The following TMEM131L variants were observed in gnomAD, a reference collection of about 807,000 sequenced individuals.
The protein encoded by TMEM131L is transmembrane 131 like, also known as transmembrane protein 131-like.
In TMEM131L, 54 loss-of-function variants were observed where a neutral mutation model predicts 192.2. That is an observed-to-expected ratio of 0.28 (90% CI 0.23 to 0.35). TMEM131L has a LOEUF of 0.35. Ranked by LOEUF, TMEM131L falls within the 10% of genes least tolerant of loss-of-function variation. The pLI, the probability that TMEM131L is intolerant of heterozygous loss-of-function variation, is 1.00. For missense variants in TMEM131L, 1,888 were observed against 1,972.9 expected, an observed-to-expected ratio of 0.96 and a Z score of 0.82; for synonymous variants, 701 against 704.9, an observed-to-expected ratio of 0.99 and a Z score of 0.09.
chr4:153,577,995 A>G (rs1426759320), intron 7 of TMEM131L, among the ~76,000 whole-genome samples: 1 of 152,198 alleles, frequency 6.6e-6, no homozygotes, highest in Non-Finnish European at 1.5e-5. Context: ...AAGAGGGCAT[A>G]GGCAGCATCC....
chr4:153,468,750 A>T (rs1302713877), intron 2 of TMEM131L, among the ~76,000 whole-genome samples: 1 of 122,330 alleles, frequency 8.2e-6, no homozygotes, highest in African/African-American at 3.2e-5. Context: ...CCTCTCCCCC[A>T]CCCCCTCCTG....
At chr4:153,491,185 C>CT (rs1732755757) in intron 3 of TMEM131L, among the ~76,000 whole-genome samples, 1 of 152,080 alleles carries the variant, frequency 6.6e-6, no homozygotes, top group African/African-American at 2.4e-5. Flanking sequence ...TTTATTTCCA[C>CT]TTTTGAATTG....
chr4:153,563,262 G>A (rs983490901), intron 7 of TMEM131L, among the ~76,000 whole-genome samples: 2 of 152,162 alleles, frequency 1.3e-5, no homozygotes, highest in African/African-American at 2.4e-5. Context: ...TGTAAAATGG[G>A]AGATGTGCTT....
rs2126965479 is a variant in TMEM131L, at chr4:153,636,474, C to T, written c.4731C>T (p.Asn1577=). The change falls in exon 35 of 35, where the codon AAC becomes AAT. Residue 1577 remains asparagine, a synonymous_variant. Coordinates refer to ENST00000409959, the MANE Select transcript of TMEM131L (RefSeq NM_001131007.2). Reference sequence around the variant, plus strand: ...GCAAGGAATACTACCCGGGGTTCAACCCGTTTCGCGCCTATATGAACCTGG... The same window carrying T: ...GCAAGGAATACTACCCGGGGTTCAATCCGTTTCGCGCCTATATGAACCTGG... ...VVCKEYYPGF[N]PFRAYMNLDI... 1 of 1,614,170 alleles carries T rather than the reference C, an allele frequency of 6.2e-7. No individual in the cohort carries two copies. The highest frequency in any genetic ancestry group is 8.5e-7 in the Non-Finnish European group (1 of 1,180,044).
chr4:153,528,044 T>C (rs1735623540), intron 3 of TMEM131L, among the ~76,000 whole-genome samples: 1 of 152,208 alleles, frequency 6.6e-6, no homozygotes, highest in South Asian at 2.1e-4. Context: ...TGAATTTCCT[T>C]GTCCTGCGGA....
At chr4:153,524,310 G>A (rs1258558532) in intron 3 of TMEM131L, among the ~76,000 whole-genome samples, 3 of 152,182 alleles carry the variant, frequency 2.0e-5, no homozygotes, top group African/African-American at 2.4e-5. Context: ...AGGGGCAGCA[G>A]CTAAGTTGTG....
chr4:153,626,144 C>T lies in TMEM131L; in HGVS notation c.4046-3C>T. The T allele has an allele frequency of 6.3e-7, 1 of 1,597,844 alleles. No homozygotes were observed. The highest frequency in any genetic ancestry group is 8.6e-7 in the Non-Finnish European group (1 of 1,166,078). ...TTGTGATAATGTGTTTCTTTTAATG[C>T]AGGAGACAGTGTTTCACAAAATGAT... On this transcript the variant is annotated splice_region_variant and splice_polypyrimidine_tract_variant and intron_variant, in intron 29 of 34. Coordinates refer to ENST00000409959, the MANE Select transcript of TMEM131L (RefSeq NM_001131007.2).
chr4:153,586,341 T>C lies in TMEM131L; in HGVS notation c.1444T>C (p.Phe482Leu), dbSNP rs1393955141. Residue 482 changes from phenylalanine (F) to leucine (L), a missense_variant, in exon 14 of 35, where the codon TTT (phenylalanine) becomes CTT (leucine). Transcript: ENST00000409959. ...VFLTTNIGAI[F>L]AIPLQIYSAP... ...TTTGACTACAAACATAGGTGCCATT[T>C]TTGCAATACCTCTACAGATTTATTC... 1 of 1,605,818 alleles carries C rather than the reference T, an allele frequency of 6.2e-7. No individual in the cohort carries two copies. The highest frequency in any genetic ancestry group is 8.5e-7 in the Non-Finnish European group (1 of 1,177,198).
Position 153,605,958 on chromosome 4 carries a change from G to A in TMEM131L, c.3418+1528G>A, listed in dbSNP as rs554994281. On this transcript the variant is annotated intron_variant, in intron 25 of 34. Coordinates refer to ENST00000409959, the MANE Select transcript of TMEM131L (RefSeq NM_001131007.2). ...GCATTTAGTCCAACCCGTTTGTACC[G>A]TTTCCCCTGGCAGTGGTGCACACGC... 1.8e-4 allele frequency among the ~76,000 whole-genome samples: 27 copies of A among 152,202 alleles called. No homozygotes were observed. The East Asian group carries it at 2.3e-3, about 13-fold the overall frequency.
intron 7 of TMEM131L, among the ~76,000 whole-genome samples, chr4:153,564,444 G>A (rs1268224397): frequency 6.6e-6 from 1 of 152,042 alleles, no homozygotes; most frequent in Middle Eastern, 3.2e-3. Flanking sequence ...CCAGAACTGT[G>A]AGCAATAAAT....
intron 3 of TMEM131L, among the ~76,000 whole-genome samples, chr4:153,541,178 G>T (rs868050174): frequency 6.6e-6 from 1 of 152,202 alleles, no homozygotes; most frequent in Non-Finnish European, 1.5e-5. Context: ...TAAGGAGAAA[G>T]TTGGGATGGG....
intron 7 of TMEM131L, among the ~76,000 whole-genome samples, chr4:153,565,724 AATTTG>A (rs35027745): frequency 0.083 from 12,580 of 152,232 alleles, 1,533 homozygotes; most frequent in African/African-American, 0.26. Context: ...GTAGAAAAAG[AATTTG>A]ATAAATTTAC....
chr4:153,631,581 G>C, intron 31 of TMEM131L, among the ~76,000 whole-genome samples: 1 of 152,176 alleles, frequency 6.6e-6, no homozygotes, highest in East Asian at 1.9e-4. Context: ...TCCAGAAAGA[G>C]ACACTATATG....
intron 15 of TMEM131L, 119 bp downstream of exon 15, chr4:153,587,930 A>G (rs557811405): frequency 5.8e-5 from 45 of 775,434 alleles, no homozygotes; most frequent in Non-Finnish European, 9.4e-5. Context: ...TATTCTATAG[A>G]GAGGATGATC....
At chr4:153,491,695 T>C (rs1467639765) in intron 3 of TMEM131L, among the ~76,000 whole-genome samples, 1 of 151,860 alleles carries the variant, frequency 6.6e-6, no homozygotes, top group African/African-American at 2.4e-5. Context: ...TTTTTTAGAG[T>C]GTGGGTTTTT....
At chr4:153,550,010 G>C (rs1433695780) in intron 3 of TMEM131L, 63 bp from the exon 4 acceptor site, 1 of 770,534 alleles carries the variant, frequency 1.3e-6, no homozygotes, top group Non-Finnish European at 2.1e-6. Flanking sequence ...GTCTAAGTAC[G>C]TTATATCTCA....
intron 12 of TMEM131L, among the ~76,000 whole-genome samples, 192 bp downstream of exon 12, chr4:153,585,123 A>G (rs1730611471): frequency 6.6e-6 from 1 of 152,226 alleles, no homozygotes; most frequent in African/African-American, 2.4e-5. Context: ...AAGTGAAATA[A>G]TTCAGTTTAT....
At chr4:153,597,704 G>A (rs1731541165) in intron 20 of TMEM131L, among the ~76,000 whole-genome samples, 1 of 152,142 alleles carries the variant, frequency 6.6e-6, no homozygotes, top group Non-Finnish European at 1.5e-5. Context: ...AGGCTGAGGT[G>A]GACAGATCAC....
chr4:153,565,103 G>A (rs905447045), intron 7 of TMEM131L, among the ~76,000 whole-genome samples: 9 of 152,194 alleles, frequency 5.9e-5, no homozygotes, highest in African/African-American at 2.2e-4. Flanking sequence ...CTGTGCTCGA[G>A]GTCTGCATGC....
Sources: gnomAD v4.1 joint callset for allele counts (sites outside exome capture counted in the v4.1 genomes callset) on GRCh38, gnomAD v4.1.1 for gene constraint, MANE v1.5 for transcripts, NCBI Gene and HGNC (gene_info 2026-07-23, HGNC 2026-07-21) for gene names.